Variants in SCFD1 observed in about 807,000 individuals in gnomAD.
The protein encoded by SCFD1 is sec1 family domain containing 1, also known as sec1 family domain-containing protein 1.
A neutral mutation model predicts 103.2 loss-of-function variants in SCFD1; 37 were observed. The ratio of observed to expected loss-of-function variants is 0.36; its 90% CI spans 0.28 to 0.47. SCFD1 has a LOEUF of 0.47. SCFD1 is among the 20% of genes least tolerant of loss of function. The probability of loss-of-function intolerance (pLI) is 1.00; values close to 1 mark genes in which losing one functional copy is unlikely to be tolerated. For synonymous variants in SCFD1, 264 were observed against 245.0 expected (o/e 1.08, Z -0.73); for missense variants, 639 against 761.2 (o/e 0.84, Z 1.89).
Position 30,683,224 on chromosome 14 carries a change from T to C in SCFD1, c.1242+8159T>C, listed in dbSNP as rs374494880. On this transcript the variant is annotated intron_variant, in intron 14 of 24. Transcript: ENST00000458591. Reference sequence around the variant, plus strand: ...GGAGAGCAGAATGGTCCTGATGTCATACAGGGCAGACCACTTGTCCTTCAG... The same window carrying C: ...GGAGAGCAGAATGGTCCTGATGTCACACAGGGCAGACCACTTGTCCTTCAG... The C allele has an allele frequency of 4.4e-6, 5 of 1,126,850 alleles. No homozygotes were observed. In the East Asian group the frequency reaches 7.5e-5, roughly 17 times the overall value. 69.8% of individuals were successfully genotyped at this position (1,126,850 alleles called of 1,614,324 possible).
At chr14:30,699,287 C>T (rs1381669255) in intron 15 of SCFD1, among the ~76,000 whole-genome samples, 1 of 152,146 alleles carries the variant, frequency 6.6e-6, no homozygotes, top group African/African-American at 2.4e-5. Context: ...AGTGTCTTAT[C>T]AGTCATTATG....
chr14:30,725,726 A>G (rs1002829780), intron 23 of SCFD1, among the ~76,000 whole-genome samples: 31 of 152,246 alleles, frequency 2.0e-4, no homozygotes, highest in Admixed American at 5.9e-4. Flanking sequence ...ACTATGTTGA[A>G]TAGCAGTGGT....
intron 1 of SCFD1, among the ~76,000 whole-genome samples, chr14:30,623,677 A>G (rs1883088835): frequency 6.6e-6 from 1 of 152,242 alleles, no homozygotes; most frequent in Non-Finnish European, 1.5e-5. Flanking sequence ...GCGTGGCCGT[A>G]AACTTGTATG....
chr14:30,683,767 A>C (rs1476443882), intron 14 of SCFD1, among the ~76,000 whole-genome samples: 1 of 152,238 alleles, frequency 6.6e-6, no homozygotes, highest in South Asian at 2.1e-4. Context: ...AAGGTTTATC[A>C]TTCCCTGTAC....
chr14:30,644,281 G>C (rs959511424), intron 7 of SCFD1, among the ~76,000 whole-genome samples: 1 of 152,106 alleles, frequency 6.6e-6, no homozygotes, highest in Non-Finnish European at 1.5e-5. Flanking sequence ...CCATGTCTTT[G>C]CTATTGTGAA....
At chr14:30,735,561 T>C in intron 24 of SCFD1, 25 bp from the exon 25 acceptor site, 1 of 1,525,554 alleles carries the variant, frequency 6.6e-7, no homozygotes, top group Middle Eastern at 1.8e-4. Flanking sequence ...AAAAGTTTTA[T>C]GTATGATTTT....
chr14:30,632,996 CTA>C (rs1884335273), intron 3 of SCFD1, among the ~76,000 whole-genome samples: 1 of 152,206 alleles, frequency 6.6e-6, no homozygotes, highest in Non-Finnish European at 1.5e-5. Flanking sequence ...CCATTCTCCT[CTA>C]TTTGCTGGAG....
intron 10 of SCFD1, among the ~76,000 whole-genome samples, chr14:30,663,772 A>G (rs910543567): frequency 6.6e-6 from 1 of 152,228 alleles, no homozygotes; most frequent in Non-Finnish European, 1.5e-5. Context: ...CAGACTGCCT[A>G]GATTTTAATC....
At chr14:30,726,768 C>T (rs181535959) in intron 23 of SCFD1, among the ~76,000 whole-genome samples, 4 of 152,220 alleles carry the variant, frequency 2.6e-5, no homozygotes, top group Non-Finnish European at 5.9e-5. Flanking sequence ...CATTTCCCTT[C>T]CTCCTGAAAT....
At chr14:30,713,107 AT>A (rs908831682) in intron 19 of SCFD1, among the ~76,000 whole-genome samples, 12 of 152,172 alleles carry the variant, frequency 7.9e-5, no homozygotes, top group South Asian at 4.2e-4. Context: ...TATATAATTG[AT>A]TTTTTTTAAT....
intron 17 of SCFD1, among the ~76,000 whole-genome samples, chr14:30,702,814 TAA>T (rs951882370): frequency 2.0e-5 from 3 of 152,182 alleles, no homozygotes; most frequent in African/African-American, 7.2e-5. Context: ...CTGGATGGTA[TAA>T]AGAGTTCTTT....
intron 10 of SCFD1, among the ~76,000 whole-genome samples, chr14:30,669,591 G>A (rs958979041): frequency 7.9e-5 from 12 of 151,918 alleles, no homozygotes; most frequent in Admixed American, 2.0e-4. Flanking sequence ...CAAGCCTCAC[G>A]TGAATAAAAT....
chr14:30,656,505 C>T (rs775224878), intron 10 of SCFD1, among the ~76,000 whole-genome samples: 16 of 152,096 alleles, frequency 1.1e-4, no homozygotes, highest in Non-Finnish European at 1.8e-4. Flanking sequence ...CCTTGACTCT[C>T]TAGGTGCCAG....
intron 12 of SCFD1, 148 bp downstream of exon 12, chr14:30,673,495 AAG>A (rs1888739513): frequency 4.0e-6 from 2 of 505,690 alleles, no homozygotes; most frequent in South Asian, 3.7e-5. Flanking sequence ...AGTGATCAAA[AAG>A]AAATCTAAAT....
chr14:30,674,876 A>T, intron 13 of SCFD1, 108 bp from the exon 14 acceptor site: 1 of 530,182 alleles, frequency 1.9e-6, no homozygotes, highest in Non-Finnish European at 3.4e-6. Context: ...TCATCTTGTT[A>T]CTGTTTCACT....
intron 7 of SCFD1, among the ~76,000 whole-genome samples, chr14:30,647,137 A>G (rs1304106297): frequency 1.3e-5 from 2 of 152,114 alleles, no homozygotes; most frequent in African/African-American, 4.8e-5. Context: ...CTAATATGTG[A>G]CTTTGTGCTT....
At chr14:30,651,162 T>C (rs1254367170) in intron 9 of SCFD1, among the ~76,000 whole-genome samples, 6 of 152,126 alleles carry the variant, frequency 3.9e-5, no homozygotes, top group African/African-American at 1.4e-4. Flanking sequence ...AACTTCTGAT[T>C]GTTAATAGTA....
At chr14:30,632,046 GAAAAAAAAAAAAAAAA>G (rs61645782) in intron 3 of SCFD1, among the ~76,000 whole-genome samples, 2 of 70,270 alleles carry the variant, frequency 2.8e-5, no homozygotes, top group East Asian at 4.2e-4. Context: ...AGATTCTGTT[GAAAAAAAAAAAAAAAA>G]AAAAAAAAAG....
intron 7 of SCFD1, among the ~76,000 whole-genome samples, chr14:30,644,470 C>A (rs185245595): frequency 5.9e-5 from 9 of 152,254 alleles, no homozygotes; most frequent in Non-Finnish European, 1.0e-4. Flanking sequence ...CTACCAACAG[C>A]GTATAAGTGT....
Sources: gnomAD v4.1 joint callset for allele counts (sites outside exome capture counted in the v4.1 genomes callset) on GRCh38, gnomAD v4.1.1 for gene constraint, MANE v1.5 for transcripts, NCBI Gene and HGNC (gene_info 2026-07-23, HGNC 2026-07-21) for gene names.